Variants in ZNF18 observed in about 807,000 individuals in gnomAD.
ZNF18 encodes the protein heart development-specific gene 1 protein.
Under a neutral mutation model 58.1 loss-of-function variants are expected in ZNF18, and 42 were observed. The observed-to-expected ratio is 0.72, with a 90% CI of 0.56 to 0.93. The LOEUF (loss-of-function observed/expected upper bound fraction) is 0.93. Ranked by LOEUF, ZNF18 falls within the 40% of genes least tolerant of loss-of-function variation. The probability of loss-of-function intolerance (pLI) is 0.00; values close to 1 mark genes in which losing one functional copy is unlikely to be tolerated. For synonymous variants in ZNF18, 231 were observed against 239.8 expected (o/e 0.96, Z 0.34); for missense variants, 540 against 644.2 (o/e 0.84, Z 1.75).
At position 11,978,485 on chromosome 17, in the gene ZNF18, C is replaced by A. The variant is rs201272840; in HGVS notation, c.1122G>T (p.Leu374Phe). The A allele has an allele frequency of 1.2e-6, 2 of 1,601,322 alleles. No individual in the cohort carries two copies. Among genetic ancestry groups the A allele is most frequent in the African/African-American group, 2.7e-5 (2 of 74,534 alleles). Reference sequence around the variant, plus strand: ...ACATTTCTCCTGAATGAGGATTAGGCAAATGCTGACCTAGTTGTTTCTCAG... The same window carrying A: ...ACATTTCTCCTGAATGAGGATTAGGAAAATGCTGACCTAGTTGTTTCTCAG... ...RISEKQLGQH[L>F]PNPHSGEMST... Residue 374 changes from leucine (L) to phenylalanine (F), a missense_variant, in exon 7 of 7, where the codon TTG (leucine) becomes TTT (phenylalanine). Leu to Phe is a conservative substitution (Grantham distance 22). Transcript: ENST00000580306.
intron 4 of ZNF18, among the ~76,000 whole-genome samples, chr17:11,988,606 A>G (rs80079577): frequency 0.01 from 1,531 of 152,292 alleles, 29 homozygotes; most frequent in African/African-American, 0.035. Flanking sequence ...CCACCAGGCA[A>G]AGTGGAAAAC....
intron 4 of ZNF18, among the ~76,000 whole-genome samples, chr17:11,986,466 A>G (rs1967747655): frequency 6.6e-6 from 1 of 152,204 alleles, no homozygotes; most frequent in Non-Finnish European, 1.5e-5. Context: ...GAGGGTTTGG[A>G]CTTTTTTGGG....
upstream of ZNF18, among the ~76,000 whole-genome samples, chr17:12,000,474 C>T (rs900805938): frequency 1.3e-5 from 2 of 151,946 alleles, no homozygotes; most frequent in East Asian, 1.9e-4. Context: ...TTTGGGAGGC[C>T]GACATGGGCA....
the ZNF18 span, chr17:12,020,782 G>GGCCA: frequency 2.2e-6 from 1 of 460,842 alleles, no homozygotes; most frequent in Non-Finnish European, 3.4e-6. Context: ...GGGCGTGTCG[G>GGCCA]AGGCGGGGCC....
In ZNF18 at chr17:11,978,228, C is replaced by T; in HGVS notation, c.1379G>A (p.Gly460Glu). The T allele has an allele frequency of 6.2e-7, 1 of 1,613,928 alleles. No individual in the cohort carries two copies. The highest frequency in any genetic ancestry group is 8.5e-7 in the Non-Finnish European group (1 of 1,179,942). ...GTAATCACATTTACAGGGCTTCTCT[C>T]CCGTGTGAGTTCTCTGATGCTTCAC... ...DFVKHQRTHT[G>E]EKPCKCDYCG... Residue 460 changes from glycine (G) to glutamate (E), a missense_variant, in exon 7 of 7, where the codon GGA (glycine) becomes GAA (glutamate). Physicochemically the swap from Gly to Glu is moderately conservative, Grantham distance 98 (BLOSUM62 -2). Coordinates refer to ENST00000580306, the MANE Select transcript of ZNF18 (RefSeq NM_001303281.2).
At chr17:12,020,762 G>C in the ZNF18 span, 1 of 412,206 alleles carries the variant, frequency 2.4e-6, no homozygotes, top group East Asian at 3.9e-5. Flanking sequence ...CGTGTCAGGA[G>C]GCGTGTCCGG....
chr17:12,021,115 G>A, the ZNF18 span: 1 of 549,468 alleles, frequency 1.8e-6, no homozygotes. Flanking sequence ...GGCAGCCGCC[G>A]GCTTCTCCCT....
At chr17:11,981,768 G>C (rs376732925) in intron 6 of ZNF18, among the ~76,000 whole-genome samples, 1 of 151,696 alleles carries the variant, frequency 6.6e-6, no homozygotes, top group Non-Finnish European at 1.5e-5. Flanking sequence ...CCCAAAACTC[G>C]TCTTAAAAAT....
chr17:11,993,881 A>G (rs1968303741), intron 1 of ZNF18, among the ~76,000 whole-genome samples: 1 of 150,482 alleles, frequency 6.6e-6, no homozygotes, highest in Non-Finnish European at 1.5e-5. Flanking sequence ...CCTTGAAAAT[A>G]CTCCTATGGT....
Position 11,978,635 on chromosome 17 carries a change from G to A in ZNF18, c.972C>T (p.Ser324=), listed in dbSNP as rs1195048377. 1 of 1,613,966 alleles carries A rather than the reference G, an allele frequency of 6.2e-7. No individual in the cohort carries two copies. The highest frequency in any genetic ancestry group is 8.5e-7 in the Non-Finnish European group (1 of 1,179,994). ...CATCCTCAGTGAAGAAGCCCCTCAA[G>A]GAAGCCTGAGAAGGAACCTCTCCTG... ...QASGEVPSQA[S]LRGFFTEDEP... The change falls in exon 7 of 7, where the codon TCC becomes TCT. Residue 324 remains serine (S), a synonymous_variant. Transcript: ENST00000580306.
chr17:11,992,587 T>C lies in ZNF18; in HGVS notation c.243A>G (p.Leu81=). 8.1e-6 allele frequency: 13 copies of C among 1,614,196 alleles called. No individual in the cohort carries two copies. The highest frequency in any genetic ancestry group is 9.3e-6 in the Non-Finnish European group (11 of 1,180,022). The change falls in exon 2 of 7, where the codon CTA becomes CTG. Residue 81 remains leucine (L), a synonymous_variant. Transcript: ENST00000580306. ...QPEVHTKEQI[L]EILMLEQFLT... ...GAAACTGCTCCAACATGAGGATCTC[T>C]AGGATCTGCTCTTTGGTGTGAACCT...
At chr17:11,991,481 C>A (rs1475428546) in intron 2 of ZNF18, among the ~76,000 whole-genome samples, 1 of 152,178 alleles carries the variant, frequency 6.6e-6, no homozygotes, top group Non-Finnish European at 1.5e-5. Flanking sequence ...AGGTGGAATG[C>A]GCTGGGAGAC....
At chr17:12,006,877 A>G in the ZNF18 span, among the ~76,000 whole-genome samples, 1 of 152,368 alleles carries the variant, frequency 6.6e-6, no homozygotes, top group Admixed American at 6.5e-5. Flanking sequence ...AATGAATTTA[A>G]TTATGTAAAT....
intron 5 of ZNF18, among the ~76,000 whole-genome samples, chr17:11,983,897 C>A (rs1967546396): frequency 6.6e-6 from 1 of 152,214 alleles, no homozygotes; most frequent in Admixed American, 6.5e-5. Context: ...AATGTACCCA[C>A]AAACAGTTCC....
chr17:12,020,176 T>C, the ZNF18 span, among the ~76,000 whole-genome samples: 6 of 152,210 alleles, frequency 3.9e-5, no homozygotes, highest in African/African-American at 1.4e-4. Flanking sequence ...AAGATGGTGA[T>C]GTAGATAGCA....
intron 5 of ZNF18, among the ~76,000 whole-genome samples, chr17:11,983,788 T>C (rs1236810496): frequency 2.0e-5 from 3 of 152,146 alleles, no homozygotes; most frequent in Non-Finnish European, 2.9e-5. Context: ...TTATGAGCTA[T>C]GTGGCAGTGG....
the ZNF18 span, among the ~76,000 whole-genome samples, chr17:12,016,200 C>A: frequency 6.6e-6 from 1 of 152,164 alleles, no homozygotes; most frequent in African/African-American, 2.4e-5. Context: ...CCTTGTGTGA[C>A]CCAAACTCTT....
the ZNF18 span, among the ~76,000 whole-genome samples, chr17:12,004,136 C>A: frequency 6.6e-6 from 1 of 151,974 alleles, no homozygotes; most frequent in Non-Finnish European, 1.5e-5. Context: ...GAGGCTGAGG[C>A]AGGAGAATCG....
At chr17:12,016,095 A>G in the ZNF18 span, among the ~76,000 whole-genome samples, 1 of 151,982 alleles carries the variant, frequency 6.6e-6, no homozygotes, top group Admixed American at 6.6e-5. Context: ...TCAGCCTGAT[A>G]TTTGTTTACA....
Sources: gnomAD v4.1 joint callset for allele counts (sites outside exome capture counted in the v4.1 genomes callset) on GRCh38, gnomAD v4.1.1 for gene constraint, MANE v1.5 for transcripts, NCBI Gene and HGNC (gene_info 2026-07-23, HGNC 2026-07-21) for gene names.